VPS54: variants seen among roughly 807,000 people sequenced by gnomAD.
The protein encoded by VPS54 is VPS54 subunit of GARP complex.
In VPS54, 45 loss-of-function variants were observed where a neutral mutation model predicts 121.5. The observed-to-expected ratio is 0.37, with a 90% confidence interval of 0.29 to 0.47. The LOEUF (loss-of-function observed/expected upper bound fraction) is 0.47, where lower values mean the gene tolerates loss of function less well. VPS54 is among the 20% of genes least tolerant of loss of function. The pLI is 0.99. For missense variants in VPS54, 1,090 were observed against 1,131.4 expected (o/e 0.96, Z 0.52); for synonymous variants, 371 against 385.8 (o/e 0.96, Z 0.45).
At chr2:63,955,397 C>G (rs1291876770) in intron 7 of VPS54, among the ~76,000 whole-genome samples, 1 of 151,916 alleles carries the variant, frequency 6.6e-6, no homozygotes, top group Non-Finnish European at 1.5e-5. Context: ...TGTGTTACCT[C>G]AAGTATAAAT....
chr2:63,966,409 A>G (rs958587250), intron 5 of VPS54, among the ~76,000 whole-genome samples: 1 of 152,218 alleles, frequency 6.6e-6, no homozygotes, highest in African/African-American at 2.4e-5. Context: ...GCATACAATA[A>G]ATATTAAAAC....
chr2:63,959,086 A>C (rs1270190652), intron 7 of VPS54, among the ~76,000 whole-genome samples: 1 of 152,232 alleles, frequency 6.6e-6, no homozygotes, highest in Non-Finnish European at 1.5e-5. Context: ...ATCAATCTAT[A>C]AAGCGTCCAA....
At chr2:64,008,321 C>T (rs1320338809) in intron 1 of VPS54, among the ~76,000 whole-genome samples, 3 of 150,618 alleles carry the variant, frequency 2.0e-5, no homozygotes, top group African/African-American at 7.3e-5. Flanking sequence ...GGTTGAGGCA[C>T]AAGAATCGCT....
intron 7 of VPS54, 70 bp downstream of exon 7, chr2:63,961,988 C>T: frequency 7.0e-7 from 1 of 1,424,116 alleles, no homozygotes; most frequent in Non-Finnish European, 9.4e-7. Flanking sequence ...ACACTTTTAA[C>T]ATTACATGCT....
At chr2:63,959,633 T>C (rs1371975236) in intron 7 of VPS54, among the ~76,000 whole-genome samples, 1 of 152,198 alleles carries the variant, frequency 6.6e-6, no homozygotes, top group Non-Finnish European at 1.5e-5. Flanking sequence ...ATGCCTGTAA[T>C]CACAGCACTC....
At chr2:63,939,915 G>A (rs576629131) in intron 11 of VPS54, among the ~76,000 whole-genome samples, 31 of 152,008 alleles carry the variant, frequency 2.0e-4, no homozygotes, top group African/African-American at 7.0e-4. Context: ...GCACCAACAC[G>A]CCCAGCTAAT....
intron 1 of VPS54, among the ~76,000 whole-genome samples, chr2:64,010,082 T>C (rs746952435): frequency 1.3e-5 from 2 of 152,096 alleles, no homozygotes; most frequent in Admixed American, 6.6e-5. Context: ...CCTCAGGTGA[T>C]TCGCCCACCT....
intron 12 of VPS54, among the ~76,000 whole-genome samples, chr2:63,925,432 G>A (rs555097831): frequency 3.9e-5 from 6 of 152,220 alleles, no homozygotes; most frequent in Non-Finnish European, 8.8e-5. Context: ...TCTGAGGGGA[G>A]CATAAATGAG....
At chr2:63,924,919 G>C (rs572319666) in intron 12 of VPS54, among the ~76,000 whole-genome samples, 1 of 152,282 alleles carries the variant, frequency 6.6e-6, no homozygotes, top group East Asian at 1.9e-4. Flanking sequence ...ATTCTAGATG[G>C]ATTGTAGGTC....
intron 20 of VPS54, among the ~76,000 whole-genome samples, chr2:63,901,067 C>T (rs566210646): frequency 2.0e-4 from 30 of 152,070 alleles, no homozygotes; most frequent in Non-Finnish European, 4.0e-4. Context: ...ACCTCAAATC[C>T]GTTTTATACA....
chr2:64,001,422 G>C (rs1326220205), intron 1 of VPS54, among the ~76,000 whole-genome samples: 1 of 152,128 alleles, frequency 6.6e-6, no homozygotes, highest in Non-Finnish European at 1.5e-5. Context: ...TTTTCCATCT[G>C]CTTTTCTCAA....
chr2:63,950,563 AG>A (rs1214668762), intron 7 of VPS54, among the ~76,000 whole-genome samples: 1 of 152,168 alleles, frequency 6.6e-6, no homozygotes, highest in African/African-American at 2.4e-5. Context: ...ATCCAGAAAA[AG>A]GGTTCTCATC....
chr2:63,919,134 A>G (rs1673519501), intron 15 of VPS54, among the ~76,000 whole-genome samples: 1 of 152,090 alleles, frequency 6.6e-6, no homozygotes, highest in South Asian at 2.1e-4. Flanking sequence ...ATAAATTTAC[A>G]TTATTATCAC....
chr2:63,972,908 G>C (rs998721453), intron 3 of VPS54, among the ~76,000 whole-genome samples: 3 of 150,442 alleles, frequency 2.0e-5, no homozygotes, highest in Admixed American at 6.6e-5. Flanking sequence ...AAGAAAGATA[G>C]AAATTAGTTA....
In VPS54 at chr2:63,983,982, A is replaced by G. The variant is rs1559039354; in HGVS notation, c.18T>C (p.Ser6=). ...TGCTTCCTTGAGGCACTGGTGAAGA[A>G]CTGTGGCTTGAAGCCATTGCATAAA... The part of the protein sequence containing the change: MASSH[S]SSPVPQGSSS... The change falls in exon 2 of 23, where the codon AGT becomes AGC. Residue 6 remains serine (S), a synonymous_variant. Coordinates refer to ENST00000272322, the MANE Select transcript of VPS54 (RefSeq NM_016516.3). 4 of 1,611,720 alleles carry G rather than the reference A, an allele frequency of 2.5e-6. No homozygotes were observed. The East Asian group carries it at 8.9e-5, about 36-fold the overall frequency.
chr2:63,912,937 A>C (rs1355230925), intron 18 of VPS54, among the ~76,000 whole-genome samples: 1 of 152,188 alleles, frequency 6.6e-6, no homozygotes, highest in Non-Finnish European at 1.5e-5. Flanking sequence ...TATGACATTC[A>C]GATAGCTTTC....
At chr2:63,989,787 T>C (rs780293654) in intron 1 of VPS54, among the ~76,000 whole-genome samples, 43 of 152,138 alleles carry the variant, frequency 2.8e-4, no homozygotes, top group Non-Finnish European at 5.6e-4. Flanking sequence ...TGAGTGCCCA[T>C]GGAAAAAATG....
At chr2:63,949,751 C>A (rs1233569388) in intron 7 of VPS54, among the ~76,000 whole-genome samples, 1 of 152,124 alleles carries the variant, frequency 6.6e-6, no homozygotes, top group African/African-American at 2.4e-5. Context: ...CAGGCACACT[C>A]AGTATAACTT....
rs1672321923 is a variant in VPS54, at chr2:63,893,679, G to T, written c.2829-144C>A. 9 of 667,492 alleles carry T rather than the reference G, an allele frequency of 1.3e-5. No individual in the cohort carries two copies. In the South Asian group the frequency reaches 1.7e-4, roughly 12 times the overall value. The allele number at this position is 667,492 out of a possible 1,614,324, so 41.3% of individuals were successfully genotyped here. A position where few individuals can be genotyped will look rare whatever the true frequency, so the allele number is the denominator to read the frequency against. ...AGTGTCCAAATACTTTACTTAGCAG[G>T]ATTCCTGCTATGAATAAGTAGGCCA... On this transcript the variant is annotated intron_variant, in intron 22 of 22. Transcript: ENST00000272322.
Sources: gnomAD v4.1 joint callset for allele counts (sites outside exome capture counted in the v4.1 genomes callset) on GRCh38, gnomAD v4.1.1 for gene constraint, MANE v1.5 for transcripts, NCBI Gene and HGNC (gene_info 2026-07-23, HGNC 2026-07-21) for gene names.